ERC1: variants seen among roughly 807,000 people sequenced by gnomAD.
ERC1 encodes RAB6 interacting protein 2.
In ERC1, 56 loss-of-function variants were observed where a neutral mutation model predicts 132.0. The observed-to-expected ratio is 0.42, with a 90% CI of 0.34 to 0.53. The LOEUF (loss-of-function observed/expected upper bound fraction) is 0.53, where lower values mean the gene tolerates loss of function less well. ERC1 is among the 20% of genes least tolerant of loss of function. ERC1 has a pLI of 0.03. For missense variants in ERC1, 1,202 were observed against 1,349.9 expected (o/e 0.89, Z 1.72); for synonymous variants, 478 against 476.1 (o/e 1.00, Z -0.05).
intron 17 of ERC1, among the ~76,000 whole-genome samples, chr12:1,416,145 C>A (rs1565389713): frequency 6.6e-6 from 1 of 152,128 alleles, no homozygotes; most frequent in African/African-American, 2.4e-5. Flanking sequence ...GAATTCCTAA[C>A]TGGGGAAATA....
chr12:1,492,556 C>G lies in ERC1; in HGVS notation c.*2326C>G, dbSNP rs10773946. On this transcript the variant is annotated 3_prime_UTR_variant, in exon 19 of 19. Coordinates refer to ENST00000360905, the MANE Select transcript of ERC1 (RefSeq NM_178040.4). Reference sequence around the variant, plus strand: ...TGCCACTCTCAGCCACTGGGTGTGTCACTCTCCTCTTCATCTCAGCATTCT... The same window carrying G: ...TGCCACTCTCAGCCACTGGGTGTGTGACTCTCCTCTTCATCTCAGCATTCT... 0.88 allele frequency: 204,856 copies of G among 233,126 alleles called. 90,280 individuals carry two copies. The highest frequency in any genetic ancestry group is 0.94 in the African/African-American group (42,708 of 45,392). 14.4% of individuals were successfully genotyped at this position (233,126 alleles called of 1,614,324 possible).
In ERC1 at chr12:1,027,435, C is replaced by T. The variant is rs142152656; in HGVS notation, c.-156-313C>T. On this transcript the variant is annotated intron_variant, in intron 1 of 18. Transcript: ENST00000360905. ...CTATGTATCCCAGGTTGGTCTTGAA[C>T]TCCTGGCCTCAAGCGATCTTCCTAC... is the stretch of plus-strand genomic sequence containing the variant. 5.7e-3 allele frequency: 890 copies of T among 157,238 alleles called. 7 individuals are homozygous for T. The highest frequency in any genetic ancestry group is 9.4e-3 in the Non-Finnish European group (668 of 71,138). The allele number at this position is 157,238 out of a possible 1,614,324, so 9.7% of individuals were successfully genotyped here.
At chr12:1,224,797 A>G (rs1298521048) in intron 12 of ERC1, among the ~76,000 whole-genome samples, 1 of 152,020 alleles carries the variant, frequency 6.6e-6, no homozygotes, top group African/African-American at 2.4e-5. Context: ...CCTGGGCAAC[A>G]TAGTGAGACC....
At chr12:1,226,285 T>A (rs2074567089) in intron 12 of ERC1, among the ~76,000 whole-genome samples, 1 of 152,242 alleles carries the variant, frequency 6.6e-6, no homozygotes, top group Non-Finnish European at 1.5e-5. Context: ...CCAGCTTTAT[T>A]GAGCTATAAA....
At chr12:1,302,636 C>A (rs997867565) in intron 15 of ERC1, among the ~76,000 whole-genome samples, 1 of 152,058 alleles carries the variant, frequency 6.6e-6, no homozygotes, top group African/African-American at 2.4e-5. Context: ...TGTAATAAGG[C>A]GAGTCACGCA....
intron 17 of ERC1, among the ~76,000 whole-genome samples, chr12:1,434,244 G>A (rs1055627701): frequency 2.0e-5 from 3 of 152,128 alleles, no homozygotes; most frequent in Admixed American, 6.5e-5. Context: ...AAAACTGGAC[G>A]TGGCTTCCTT....
At chr12:1,081,122 G>T (rs1309055258) in intron 2 of ERC1, among the ~76,000 whole-genome samples, 1 of 152,080 alleles carries the variant, frequency 6.6e-6, no homozygotes, top group African/African-American at 2.4e-5. Flanking sequence ...CACTGCTTAG[G>T]CCTTGAATAC....
At position 1,310,815 on chromosome 12, in the gene ERC1, T is replaced by C. The variant is rs147020296; in HGVS notation, c.2780+20803T>C. 3.8e-3 allele frequency among the ~76,000 whole-genome samples: 576 copies of C among 152,376 alleles called. 1 individual carries two copies. The highest frequency in any genetic ancestry group is 0.013 in the African/African-American group (533 of 41,588). On this transcript the variant is annotated intron_variant, in intron 15 of 18. Coordinates refer to ENST00000360905, the MANE Select transcript of ERC1 (RefSeq NM_178040.4). ...CAAAGCTGATTAGAGAACATGACTT[T>C]ATATTTGCAGCCAAGTAGCTTCACT...
chr12:1,382,939 G>A (rs1035343261), intron 16 of ERC1, among the ~76,000 whole-genome samples: 4 of 152,078 alleles, frequency 2.6e-5, no homozygotes, highest in Non-Finnish European at 4.4e-5. Flanking sequence ...TAAGTAGAAA[G>A]TCCAGAGGCT....
At chr12:1,028,651 A>G (rs1967333078) in intron 2 of ERC1, 79 bp downstream of exon 2, 1 of 1,194,426 alleles carries the variant, frequency 8.4e-7, no homozygotes, top group South Asian at 1.5e-5. Flanking sequence ...CCTTTCCTAG[A>G]TTTTTCCCTT....
At chr12:1,370,838 A>G (rs1219530648) in intron 15 of ERC1, among the ~76,000 whole-genome samples, 1 of 152,060 alleles carries the variant, frequency 6.6e-6, no homozygotes, top group East Asian at 1.9e-4. Flanking sequence ...CTCCTACCTT[A>G]GTCTCCCGAG....
chr12:993,035 A>C (rs554130358), intron 1 of ERC1, among the ~76,000 whole-genome samples: 4 of 152,352 alleles, frequency 2.6e-5, no homozygotes, highest in Admixed American at 1.3e-4. Flanking sequence ...TGCCTACTTA[A>C]TGAGCAGATT....
At chr12:1,049,747 CTTTTTTTTTTTT>C (rs35361881) in intron 2 of ERC1, among the ~76,000 whole-genome samples, 4 of 113,016 alleles carry the variant, frequency 3.5e-5, no homozygotes, top group East Asian at 2.6e-4. Context: ...GTTTTGTGAT[CTTTTTTTTTTTT>C]TTTTTTTTTT....
At chr12:1,083,643 G>A in intron 3 of ERC1, 63 bp downstream of exon 3, 1 of 1,307,342 alleles carries the variant, frequency 7.6e-7, no homozygotes, top group Non-Finnish European at 1.1e-6. Context: ...TGATTAATCA[G>A]CATCTTGGCC....
chr12:1,104,391 A>G (rs1945018154), intron 3 of ERC1, among the ~76,000 whole-genome samples: 1 of 152,174 alleles, frequency 6.6e-6, no homozygotes, highest in Non-Finnish European at 1.5e-5. Flanking sequence ...GAGCATTTCT[A>G]ATCCCCATTT....
chr12:1,411,103 C>T (rs955816608), intron 17 of ERC1, among the ~76,000 whole-genome samples: 5 of 152,054 alleles, frequency 3.3e-5, no homozygotes, highest in Admixed American at 1.3e-4. Context: ...TTTTCCCTCC[C>T]TTTTCATGGA....
chr12:1,194,955 G>A (rs1482831093), intron 12 of ERC1, among the ~76,000 whole-genome samples: 1 of 151,642 alleles, frequency 6.6e-6, no homozygotes, highest in Non-Finnish European at 1.5e-5. Context: ...GATTTTTTGG[G>A]GGCGGGGGGC....
intron 15 of ERC1, among the ~76,000 whole-genome samples, chr12:1,340,056 G>T (rs755322324): frequency 1.3e-5 from 2 of 152,148 alleles, no homozygotes; most frequent in Non-Finnish European, 2.9e-5. Context: ...AAGCAGGCAG[G>T]CCTGGTGCGT....
At chr12:1,202,383 C>T (rs534658354) in intron 12 of ERC1, among the ~76,000 whole-genome samples, 1 of 152,226 alleles carries the variant, frequency 6.6e-6, no homozygotes, top group South Asian at 2.1e-4. Flanking sequence ...TTTAGCCGGA[C>T]GTGGTGGCTC....
Sources: allele counts gnomAD v4.1 joint callset (sites outside exome capture counted in the v4.1 genomes callset), GRCh38; gene constraint gnomAD v4.1.1; transcripts MANE v1.5; gene names NCBI Gene and HGNC (gene_info 2026-07-23, HGNC 2026-07-21).